The following HTRA3 variants were observed in gnomAD, a reference collection of about 807,000 sequenced individuals.
HTRA3 encodes serine protease HTRA3.
HTRA3 carries 41 observed loss-of-function variants against 43.2 expected under a neutral mutation model. The observed-to-expected ratio is 0.95, with a 90% CI of 0.74 to 1.23. HTRA3 has a LOEUF of 1.23. HTRA3 is among the 50% of genes most tolerant of loss of function. The pLI is 0.00. For synonymous variants in HTRA3, 295 were observed against 287.9 expected (o/e 1.02, Z -0.25); for missense variants, 628 against 647.1 (o/e 0.97, Z 0.32).
chr4:8,282,296 C>T, intron 1 of HTRA3, 141 bp from the exon 2 acceptor site: 2 of 673,750 alleles, frequency 3.0e-6, no homozygotes, highest in South Asian at 3.5e-5. Flanking sequence ...CCCCAACGGG[C>T]TCAGTGTGGG....
intron 1 of HTRA3, among the ~76,000 whole-genome samples, chr4:8,274,518 G>A (rs886158189): frequency 2.6e-5 from 4 of 152,228 alleles, no homozygotes; most frequent in African/African-American, 9.6e-5. Context: ...GAAATGAGAC[G>A]AGGGCCCATG....
chr4:8,270,619 C>A (rs1417548294), intron 1 of HTRA3, among the ~76,000 whole-genome samples: 1 of 152,216 alleles, frequency 6.6e-6, no homozygotes, highest in African/African-American at 2.4e-5. Flanking sequence ...AGGACTGTTT[C>A]CAGCTCTGGT....
chr4:8,269,895 C>T lies in HTRA3; in HGVS notation c.-74C>T. On this transcript the variant is annotated 5_prime_UTR_variant, in exon 1 of 9. Coordinates refer to ENST00000307358, the MANE Select transcript of HTRA3 (RefSeq NM_053044.5). ...ATCCGTAGGCGCCCGGCGCCCGGCC[C>T]CGCAGCGGCCTCGTTGTCCCCGCCG... 3 of 746,932 alleles carry T rather than the reference C, an allele frequency of 4.0e-6. No homozygotes were observed. The highest frequency in any genetic ancestry group is 4.9e-6 in the Non-Finnish European group (3 of 608,734). The allele number at this position is 746,932 out of a possible 1,614,324, so 46.3% of individuals were successfully genotyped here. A position where few individuals can be genotyped will look rare whatever the true frequency, so the allele number is the denominator to read the frequency against.
At chr4:8,287,151 G>A (rs139366688) in intron 3 of HTRA3, among the ~76,000 whole-genome samples, 1 of 152,324 alleles carries the variant, frequency 6.6e-6, no homozygotes, top group Non-Finnish European at 1.5e-5. Flanking sequence ...TGGGCGTGGA[G>A]GCCAGGGGGC....
intron 6 of HTRA3, among the ~76,000 whole-genome samples, chr4:8,301,942 T>A (rs1473333401): frequency 2.0e-5 from 3 of 152,198 alleles, no homozygotes; most frequent in Non-Finnish European, 4.4e-5. Context: ...AACTCACAGA[T>A]TGGAGCAGCT....
chr4:8,286,768 C>G lies in HTRA3; in HGVS notation c.693C>G (p.Ile231Met). The change falls in exon 3 of 9, where the codon ATC becomes ATG. Residue 231 changes from isoleucine to methionine, a missense_variant. Ile to Met is a conservative substitution (Grantham distance 10). Coordinates refer to ENST00000307358, the MANE Select transcript of HTRA3 (RefSeq NM_053044.5). The surrounding 1 kb of genome is among the most constrained non-coding windows in gnomAD (Gnocchi z 4.9). ...DIDKKSDIAT[I>M]KIHPKKKLPV... is the part of the protein sequence containing the mutation. ...ACAAGAAGTCGGACATTGCCACCAT[C>G]AAGATCCATCCCAAGGTGGGTGGGC... 1.2e-6 allele frequency: 2 copies of G among 1,613,670 alleles called. No individual in the cohort carries two copies. Among genetic ancestry groups the G allele is most frequent in the Admixed American group, 3.3e-5 (2 of 60,014 alleles).
chr4:8,296,160 C>A lies in HTRA3; in HGVS notation c.1051+1959C>A. The A allele has an allele frequency of 1.0e-6, 1 of 989,810 alleles. No homozygotes were observed. Among genetic ancestry groups the A allele is most frequent in the Non-Finnish European group, 1.2e-6 (1 of 832,912 alleles). The allele number at this position is 989,810 out of a possible 1,614,324, so 61.3% of individuals were successfully genotyped here. A position where few individuals can be genotyped will look rare whatever the true frequency, so the allele number is the denominator to read the frequency against. ...ACACACTGAGCTGTGAGGTGGCTTT[C>A]CTTGGAAGTGGATGATAGTGTCCTC... On this transcript the variant is annotated intron_variant, in intron 6 of 8. Coordinates refer to ENST00000307358, the MANE Select transcript of HTRA3 (RefSeq NM_053044.5). The surrounding 1 kb of genome is among the most constrained non-coding windows in gnomAD (Gnocchi z 5.3).
chr4:8,294,332 C>T, intron 6 of HTRA3, 131 bp downstream of exon 6: 1 of 610,668 alleles, frequency 1.6e-6, no homozygotes, highest in Non-Finnish European at 2.9e-6. Flanking sequence ...CTGGACAGGT[C>T]CTGTCTGCCC....
intron 3 of HTRA3, among the ~76,000 whole-genome samples, chr4:8,288,580 T>G (rs1713091519): frequency 6.7e-6 from 1 of 150,314 alleles, no homozygotes; most frequent in Non-Finnish European, 1.5e-5. Context: ...TAGCCTTTTT[T>G]TTTTTTTTTT....
In HTRA3 at chr4:8,306,043, G is replaced by T; in HGVS notation, c.1269G>T (p.Gln423His). 6.2e-7 allele frequency: 1 copy of T among 1,613,144 alleles called. No individual in the cohort carries two copies. Among genetic ancestry groups the T allele is most frequent in the Non-Finnish European group, 8.5e-7 (1 of 1,179,762 alleles). The change falls in exon 9 of 9, where the codon CAG becomes CAT. Residue 423 changes from glutamine (Q) to histidine (H), a missense_variant. Coordinates refer to ENST00000307358, the MANE Select transcript of HTRA3 (RefSeq NM_053044.5). This position sits in a 1 kb window ranked among gnomAD's most constrained non-coding sequence, Gnocchi z 8.9. ...CTCTAGTGGACTCGAGTGAGCTGCA[G>T]GAGGCCGTGCTGACCGAGTCTCCTC... ...GRPLVDSSELQEAVLTESPLL... is the reference protein window; with the variant it reads ...GRPLVDSSELHEAVLTESPLL...
In HTRA3 at chr4:8,287,231, C is replaced by T. The variant is rs180827730; in HGVS notation, c.708+448C>T. 8.3e-3 allele frequency among the ~76,000 whole-genome samples: 1,256 copies of T among 152,166 alleles called. 8 individuals carry two copies. The highest frequency in any genetic ancestry group is 0.024 in the South Asian group (115 of 4,824). Reference sequence around the variant, plus strand: ...CACGTCTGTACCTCCCACCAGCTGACCCAGAAGAGGCCTGCACTGAGGCCC... The same window carrying T: ...CACGTCTGTACCTCCCACCAGCTGATCCAGAAGAGGCCTGCACTGAGGCCC... On this transcript the variant is annotated intron_variant, in intron 3 of 8. Transcript: ENST00000307358.
chr4:8,305,842 T>G (rs902138151), intron 8 of HTRA3, 129 bp from the exon 9 acceptor site: 7 of 993,384 alleles, frequency 7.0e-6, no homozygotes, highest in Non-Finnish European at 1.1e-5. Flanking sequence ...GGGGCACTGT[T>G]CTTTCCCATC....
At chr4:8,301,352 T>C (rs1713650711) in intron 6 of HTRA3, among the ~76,000 whole-genome samples, 3 of 152,186 alleles carry the variant, frequency 2.0e-5, no homozygotes, top group Admixed American at 6.5e-5. Context: ...AGCTTTATTA[T>C]TGATTCACAC....
chr4:8,272,955 C>T (rs1456089486), intron 1 of HTRA3, among the ~76,000 whole-genome samples: 5 of 152,198 alleles, frequency 3.3e-5, no homozygotes, highest in Admixed American at 6.5e-5. Context: ...AGCCAGCTTT[C>T]GGCAGGGCGA....
At chr4:8,291,956 C>G (rs2153006074) in intron 4 of HTRA3, among the ~76,000 whole-genome samples, 1 of 152,370 alleles carries the variant, frequency 6.6e-6, no homozygotes, top group African/African-American at 2.4e-5. Context: ...GTCCATCCAG[C>G]TTTGCCGCAG....
chr4:8,286,930 C>A lies in HTRA3; in HGVS notation c.708+147C>A, dbSNP rs1291036865. The A allele has an allele frequency of 1.5e-6, 1 of 648,230 alleles. No homozygotes were observed. The highest frequency in any genetic ancestry group is 1.8e-5 in the African/African-American group (1 of 54,720). 40.2% of individuals were successfully genotyped at this position (648,230 alleles called of 1,614,324 possible). Reference sequence around the variant, plus strand: ...GCCCAGGGAGGACTGGCAGCTGGCCCAGGGTCACGGCTTGGAAAAGACCTA... The same window carrying A: ...GCCCAGGGAGGACTGGCAGCTGGCCAAGGGTCACGGCTTGGAAAAGACCTA... On this transcript the variant is annotated intron_variant, in intron 3 of 8. Transcript: ENST00000307358. This position sits in a 1 kb window ranked among gnomAD's most constrained non-coding sequence, Gnocchi z 4.9.
Position 8,286,478 on chromosome 4 carries a change from C to G in HTRA3, c.486-83C>G. On this transcript the variant is annotated intron_variant, in intron 2 of 8. Transcript: ENST00000307358. This position sits in a 1 kb window ranked among gnomAD's most constrained non-coding sequence, Gnocchi z 4.9. The stretch of plus-strand genomic sequence containing the variant: ...TCAGCCACACACTGGCTCTGCTCCT[C>G]GCTGACCAGCCCCACCACTGCGCCT... The G allele has an allele frequency of 9.0e-7, 1 of 1,111,938 alleles. No homozygotes were observed. The highest frequency in any genetic ancestry group is 1.4e-6 in the Non-Finnish European group (1 of 738,852). 68.9% of individuals were successfully genotyped at this position (1,111,938 alleles called of 1,614,324 possible). A position where few individuals can be genotyped will look rare whatever the true frequency, so the allele number is the denominator to read the frequency against.
intron 1 of HTRA3, among the ~76,000 whole-genome samples, chr4:8,272,149 A>G (rs1712306924): frequency 6.6e-6 from 1 of 152,168 alleles, no homozygotes; most frequent in Non-Finnish European, 1.5e-5. Context: ...TGCAGGGCTC[A>G]GGGCTGGCAG....
At chr4:8,298,889 G>C (rs1226260194) in intron 6 of HTRA3, among the ~76,000 whole-genome samples, 1 of 152,186 alleles carries the variant, frequency 6.6e-6, no homozygotes, top group African/African-American at 2.4e-5. Flanking sequence ...CCTCACGGTA[G>C]GTCTAAAAGG....
Sources: gnomAD v4.1 joint callset for allele counts (sites outside exome capture counted in the v4.1 genomes callset) on GRCh38, gnomAD v4.1.1 for gene constraint, Gnocchi (gnomAD v3.1) non-coding constraint, MANE v1.5 for transcripts, NCBI Gene and HGNC (gene_info 2026-07-23, HGNC 2026-07-21) for gene names.